SPOCK3: variants seen among roughly 807,000 people sequenced by gnomAD.
SPOCK3 encodes testican-3.
Under a neutral mutation model 56.6 loss-of-function variants are expected in SPOCK3, and 30 were observed. The ratio of observed to expected loss-of-function variants is 0.53; its 90% CI spans 0.40 to 0.72. The LOEUF (loss-of-function observed/expected upper bound fraction) is 0.72. SPOCK3 is among the 30% of genes least tolerant of loss of function. The pLI is 0.00. For missense variants in SPOCK3, 527 were observed against 530.0 expected (o/e 0.99, Z 0.06); for synonymous variants, 196 against 183.3 (o/e 1.07, Z -0.56).
intron 2 of SPOCK3, among the ~76,000 whole-genome samples, chr4:167,156,274 A>T (rs1764811702): frequency 6.6e-6 from 1 of 152,158 alleles, no homozygotes; most frequent in Non-Finnish European, 1.5e-5. Flanking sequence ...GATATAGTTA[A>T]TGGGAATAAG....
chr4:167,141,296 G>A (rs146234928), intron 2 of SPOCK3, among the ~76,000 whole-genome samples: 94 of 152,072 alleles, frequency 6.2e-4, no homozygotes, highest in Non-Finnish European at 9.9e-4. Context: ...TTTTCCAGAC[G>A]TCCTAGTGCT....
intron 2 of SPOCK3, among the ~76,000 whole-genome samples, chr4:167,077,288 A>G (rs1169251929): frequency 6.6e-6 from 1 of 151,718 alleles, no homozygotes; most frequent in Non-Finnish European, 1.5e-5. Context: ...ACACACACAC[A>G]TCAAAATTCT....
chr4:167,204,088 A>G (rs1733789269), intron 2 of SPOCK3, among the ~76,000 whole-genome samples: 1 of 152,006 alleles, frequency 6.6e-6, no homozygotes, highest in African/African-American at 2.4e-5. Flanking sequence ...ACTAAATCCT[A>G]GCAAAACAGG....
At chr4:167,073,893 C>A (rs1480046787) in intron 2 of SPOCK3, among the ~76,000 whole-genome samples, 1 of 151,750 alleles carries the variant, frequency 6.6e-6, no homozygotes, top group African/African-American at 2.4e-5. Flanking sequence ...CCTTTATTAT[C>A]TCTTTAAAAT....
At chr4:167,098,083 T>C (rs747789803) in intron 2 of SPOCK3, among the ~76,000 whole-genome samples, 1 of 151,746 alleles carries the variant, frequency 6.6e-6, no homozygotes, top group Non-Finnish European at 1.5e-5. Flanking sequence ...AAACCTAGAG[T>C]ATCTATTAGC....
chr4:167,022,177 C>T (rs975297837), intron 3 of SPOCK3, among the ~76,000 whole-genome samples: 1 of 151,906 alleles, frequency 6.6e-6, no homozygotes, highest in African/African-American at 2.4e-5. Context: ...AAACAAAAGA[C>T]CTGCACCAGA....
chr4:166,913,649 T>G (rs574271853), intron 4 of SPOCK3, among the ~76,000 whole-genome samples: 5 of 152,264 alleles, frequency 3.3e-5, no homozygotes, highest in Admixed American at 3.3e-4. Context: ...ATGTCAAACC[T>G]ACAAAATAGT....
chr4:167,151,434 T>C (rs1267279078), intron 2 of SPOCK3, among the ~76,000 whole-genome samples: 1 of 109,258 alleles, frequency 9.2e-6, no homozygotes, highest in African/African-American at 3.5e-5. Flanking sequence ...TCCTTTTTTT[T>C]CTTTTTTTTT....
chr4:166,957,680 A>G (rs1743646145), intron 4 of SPOCK3, among the ~76,000 whole-genome samples: 1 of 152,216 alleles, frequency 6.6e-6, no homozygotes, highest in Admixed American at 6.5e-5. Flanking sequence ...TGGATGTTGG[A>G]CATGGAATCA....
intron 2 of SPOCK3, among the ~76,000 whole-genome samples, chr4:167,135,024 A>G (rs549818215): frequency 1.3e-5 from 2 of 151,682 alleles, no homozygotes; most frequent in South Asian, 4.1e-4. Flanking sequence ...TTCAAGTAGA[A>G]CTTAAGAAAA....
chr4:166,807,649 G>C (rs1743320738), intron 6 of SPOCK3, among the ~76,000 whole-genome samples: 1 of 152,128 alleles, frequency 6.6e-6, no homozygotes, highest in South Asian at 2.1e-4. Context: ...GTTTCTGCCA[G>C]TTGCTTTTGC....
intron 7 of SPOCK3, among the ~76,000 whole-genome samples, chr4:166,771,794 CAGTACTT>C (rs1466754613): frequency 1.3e-5 from 2 of 151,968 alleles, no homozygotes; most frequent in Non-Finnish European, 2.9e-5. Context: ...TTGACAAAAA[CAGTACTT>C]AATAATGTAT....
intron 6 of SPOCK3, among the ~76,000 whole-genome samples, chr4:166,805,514 GA>G (rs918491148): frequency 2.6e-5 from 4 of 152,030 alleles, no homozygotes; most frequent in Non-Finnish European, 4.4e-5. Flanking sequence ...TTATCTGATA[GA>G]CTGGCAGATT....
At chr4:166,917,409 C>T (rs996937296) in intron 4 of SPOCK3, among the ~76,000 whole-genome samples, 9 of 151,996 alleles carry the variant, frequency 5.9e-5, no homozygotes, top group Non-Finnish European at 1.2e-4. Context: ...GTAATCCCCA[C>T]GTGTCGAGGG....
chr4:166,869,774 T>C (rs909980504), intron 6 of SPOCK3, among the ~76,000 whole-genome samples: 44 of 152,078 alleles, frequency 2.9e-4, no homozygotes, highest in African/African-American at 9.7e-4. Flanking sequence ...ACTGATATTA[T>C]AGGGCAAATC....
chr4:167,064,501 C>G (rs919402790), intron 2 of SPOCK3, among the ~76,000 whole-genome samples: 11 of 151,760 alleles, frequency 7.2e-5, no homozygotes, highest in African/African-American at 2.7e-4. Context: ...TTGAGCTGAG[C>G]AACGTAACAT....
chr4:166,874,372 G>T (rs1030490230), intron 6 of SPOCK3, among the ~76,000 whole-genome samples: 9 of 152,128 alleles, frequency 5.9e-5, no homozygotes, highest in African/African-American at 2.2e-4. Context: ...TGAGATTGTG[G>T]CAGGCAGGCT....
intron 6 of SPOCK3, among the ~76,000 whole-genome samples, chr4:166,873,198 TGAA>T (rs1249789455): frequency 4.1e-5 from 6 of 146,242 alleles, no homozygotes; most frequent in Non-Finnish European, 9.0e-5. Context: ...AGAAGAGTGA[TGAA>T]GAAGTTAAAA....
intron 3 of SPOCK3, among the ~76,000 whole-genome samples, chr4:167,036,457 G>A (rs1024342522): frequency 6.6e-6 from 1 of 152,202 alleles, no homozygotes; most frequent in East Asian, 1.9e-4. Context: ...ACTGTAAGCC[G>A]GGTGCAGAAG....
Sources: gnomAD v4.1 joint callset for allele counts (sites outside exome capture counted in the v4.1 genomes callset) on GRCh38, gnomAD v4.1.1 for gene constraint, MANE v1.5 for transcripts, NCBI Gene and HGNC (gene_info 2026-07-23, HGNC 2026-07-21) for gene names.